The following ADGRB3 variants were observed in gnomAD, a reference collection of about 807,000 sequenced individuals.
The protein encoded by ADGRB3 is adhesion G protein-coupled receptor B3.
In ADGRB3, 37 loss-of-function variants were observed where a neutral mutation model predicts 193.4. That is an observed-to-expected ratio of 0.19 (90% CI 0.15 to 0.25). ADGRB3 has a LOEUF of 0.25. ADGRB3 is among the 10% of genes least tolerant of loss of function. The pLI, the probability that ADGRB3 is intolerant of heterozygous loss-of-function variation, is 1.00. For missense variants in ADGRB3, 1,637 were observed against 1,852.9 expected (o/e 0.88, Z 2.14); for synonymous variants, 690 against 644.2 (o/e 1.07, Z -1.08).
chr6:69,328,619 G>T (rs893891362), intron 22 of ADGRB3, among the ~76,000 whole-genome samples: 1 of 152,082 alleles, frequency 6.6e-6, no homozygotes, highest in Admixed American at 6.6e-5. Context: ...ATTATTTTGG[G>T]TTTGAGGTAG....
intron 3 of ADGRB3, among the ~76,000 whole-genome samples, chr6:68,900,897 A>T (rs926990465): frequency 3.9e-5 from 6 of 152,090 alleles, no homozygotes; most frequent in Admixed American, 3.3e-4. Context: ...AAAAACTATC[A>T]TCTGTTGATT....
chr6:69,065,543 A>C (rs779778807), intron 16 of ADGRB3, among the ~76,000 whole-genome samples: 1 of 152,112 alleles, frequency 6.6e-6, no homozygotes, highest in African/African-American at 2.4e-5. Context: ...ATTACTGTTC[A>C]CTAAGGGAGG....
At chr6:69,134,328 T>A (rs1418869923) in intron 17 of ADGRB3, among the ~76,000 whole-genome samples, 1 of 152,120 alleles carries the variant, frequency 6.6e-6, no homozygotes, top group Non-Finnish European at 1.5e-5. Context: ...CAGGAAGCAT[T>A]TCCTCATCAT....
chr6:69,144,751 A>G (rs1205356908), intron 17 of ADGRB3, among the ~76,000 whole-genome samples: 1 of 152,200 alleles, frequency 6.6e-6, no homozygotes, highest in East Asian at 1.9e-4. Flanking sequence ...CGTCCCCAGA[A>G]AAAATCCCAT....
chr6:68,750,895 CTT>C (rs1291252471), intron 3 of ADGRB3, among the ~76,000 whole-genome samples: 1 of 152,190 alleles, frequency 6.6e-6, no homozygotes, highest in African/African-American at 2.4e-5. Context: ...AGCTAGTCCT[CTT>C]TTAGGTTTAT....
At chr6:69,294,486 A>G (rs1037033213) in intron 20 of ADGRB3, among the ~76,000 whole-genome samples, 1 of 152,122 alleles carries the variant, frequency 6.6e-6, no homozygotes, top group Non-Finnish European at 1.5e-5. Context: ...ATTCAACTAA[A>G]TGCTGTCTCT....
At chr6:68,826,749 T>C (rs1214801956) in intron 3 of ADGRB3, among the ~76,000 whole-genome samples, 2 of 152,174 alleles carry the variant, frequency 1.3e-5, no homozygotes, top group African/African-American at 2.4e-5. Context: ...GGTCAGATTC[T>C]GGAAGTATTT....
intron 3 of ADGRB3, among the ~76,000 whole-genome samples, chr6:68,781,667 CA>C (rs1459296992): frequency 6.6e-6 from 1 of 151,732 alleles, no homozygotes. Flanking sequence ...TAAAATAGCT[CA>C]AAAAAACAGG....
At chr6:68,884,308 G>T (rs771162172) in intron 3 of ADGRB3, among the ~76,000 whole-genome samples, 11 of 152,128 alleles carry the variant, frequency 7.2e-5, no homozygotes, top group Admixed American at 2.6e-4. Context: ...GGGTTTGGGG[G>T]AGACAAACAT....
At chr6:68,969,321 AAGAAT>A (rs1768487497) in intron 8 of ADGRB3, among the ~76,000 whole-genome samples, 1 of 152,214 alleles carries the variant, frequency 6.6e-6, no homozygotes, top group African/African-American at 2.4e-5. Flanking sequence ...CCCTCAAAAT[AAGAAT>A]ATCCATGGGT....
intron 17 of ADGRB3, among the ~76,000 whole-genome samples, chr6:69,192,519 TCAATC>T (rs1223920983): frequency 6.6e-6 from 1 of 152,154 alleles, no homozygotes; most frequent in East Asian, 1.9e-4. Flanking sequence ...TTTGCATCCT[TCAATC>T]CAATCAAGTT....
At position 68,989,473 on chromosome 6, in the gene ADGRB3, A is replaced by T. The variant is rs558843627; in HGVS notation, c.1735-4295A>T. On this transcript the variant is annotated intron_variant, in intron 10 of 31. Coordinates refer to ENST00000370598, the MANE Select transcript of ADGRB3 (RefSeq NM_001704.3). ...CCAGGATCCATCTCGTGTCTATAGG[A>T]AAAGGATGGAGATGAGAAACACTAT... is the stretch of plus-strand genomic sequence containing the variant. 5.1e-4 allele frequency among the ~76,000 whole-genome samples: 78 copies of T among 152,270 alleles called. 1 individual carries two copies. The highest frequency in any genetic ancestry group is 1.8e-3 in the African/African-American group (76 of 41,568).
intron 16 of ADGRB3, among the ~76,000 whole-genome samples, chr6:69,064,720 C>T (rs1175519547): frequency 6.6e-6 from 1 of 151,910 alleles, no homozygotes; most frequent in Non-Finnish European, 1.5e-5. Context: ...GTTTCTTATG[C>T]AGAGAACAGT....
At chr6:69,233,748 G>C (rs1264611081) in intron 18 of ADGRB3, among the ~76,000 whole-genome samples, 1 of 152,034 alleles carries the variant, frequency 6.6e-6, no homozygotes, top group Non-Finnish European at 1.5e-5. Flanking sequence ...AGATATTCTG[G>C]GGAATTTTAG....
At chr6:69,247,541 C>T (rs1028406945) in intron 20 of ADGRB3, among the ~76,000 whole-genome samples, 2 of 152,146 alleles carry the variant, frequency 1.3e-5, no homozygotes, top group Middle Eastern at 3.2e-3. Context: ...TCTTACCACA[C>T]TTCAGAGTGG....
intron 3 of ADGRB3, among the ~76,000 whole-genome samples, chr6:68,743,639 A>T (rs762453411): frequency 6.6e-6 from 1 of 152,086 alleles, no homozygotes; most frequent in Non-Finnish European, 1.5e-5. Context: ...ACTAAAAAGG[A>T]AATAGAAATT....
At chr6:69,289,460 T>C (rs1767619481) in intron 20 of ADGRB3, among the ~76,000 whole-genome samples, 1 of 152,170 alleles carries the variant, frequency 6.6e-6, no homozygotes, top group Non-Finnish European at 1.5e-5. Context: ...CCTCCACACC[T>C]TCACAATTCA....
intron 3 of ADGRB3, among the ~76,000 whole-genome samples, chr6:68,646,475 C>CAAAAAAAAAAAAAAA (rs368034374): frequency 9.3e-6 from 1 of 107,602 alleles, no homozygotes; most frequent in Non-Finnish European, 1.8e-5. Flanking sequence ...GAAACTCTGT[C>CAAAAAAAAAAAAAAA]AAAAAAAAAA....
At chr6:69,001,939 T>C (rs1364763856) in intron 11 of ADGRB3, among the ~76,000 whole-genome samples, 1 of 152,214 alleles carries the variant, frequency 6.6e-6, no homozygotes, top group Non-Finnish European at 1.5e-5. Context: ...AATAATACAC[T>C]CTGGTATTCT....
Sources: allele counts gnomAD v4.1 joint callset (sites outside exome capture counted in the v4.1 genomes callset), GRCh38; gene constraint gnomAD v4.1.1; transcripts MANE v1.5; gene names NCBI Gene and HGNC (gene_info 2026-07-23, HGNC 2026-07-21).